Variants in TP53BP1 observed in about 807,000 individuals in gnomAD.
TP53BP1 encodes TP53-binding protein 1.
In TP53BP1, 61 loss-of-function variants were observed where a neutral mutation model predicts 200.8. That is an observed-to-expected ratio of 0.30 (90% CI 0.25 to 0.38). The LOEUF is 0.38. Among genes scored for constraint, TP53BP1 ranks in the 10% least tolerant of loss-of-function variants. TP53BP1 has a pLI of 1.00. For missense variants in TP53BP1, 2,144 were observed against 2,371.9 expected (o/e 0.90, Z 2.00); for synonymous variants, 822 against 844.3 (o/e 0.97, Z 0.46).
chr15:43,509,187 A>C (rs1228468634), intron 1 of TP53BP1, among the ~76,000 whole-genome samples: 1 of 896 alleles, frequency 1.1e-3, no homozygotes, highest in Non-Finnish European at 1.9e-3. Flanking sequence ...AGATCCACAA[A>C]CGGGGGGGGG....
chr15:43,403,497 A>AT lies in TP53BP1; in HGVS notation c.*3885dup. ...TACTCGCTTAGCCAGGAAAGGATGC[A>AT]TTTGTTTTACGCATTTTGTGCGTCT... On this transcript the variant is annotated 3_prime_UTR_variant, in exon 28 of 28. Transcript: ENST00000382044. 1 of 557,134 alleles carries AT rather than the reference A, an allele frequency of 1.8e-6. No individual in the cohort carries two copies. The highest frequency in any genetic ancestry group is 3.2e-6 in the Non-Finnish European group (1 of 310,324). The allele number at this position is 557,134 out of a possible 1,614,324, so 34.5% of individuals were successfully genotyped here.
upstream of TP53BP1, among the ~76,000 whole-genome samples, chr15:43,495,295 C>A (rs993659985): frequency 1.3e-5 from 2 of 151,064 alleles, no homozygotes; most frequent in African/African-American, 2.4e-5. Context: ...GTCAGGAGAT[C>A]GAGACCATCC....
intron 12 of TP53BP1, among the ~76,000 whole-genome samples, chr15:43,454,603 T>C (rs1018165351): frequency 6.6e-6 from 1 of 152,196 alleles, no homozygotes; most frequent in Admixed American, 6.5e-5. Context: ...CCTCAGGCGA[T>C]CTGCTGGCCT....
chr15:43,406,847 C>G lies in TP53BP1; in HGVS notation c.*536G>C. On this transcript the variant is annotated 3_prime_UTR_variant, in exon 28 of 28. Transcript: ENST00000382044. ...TCATGGCAGTTGGTCCTTTCGTTCT[C>G]CCTTTAGCTCTAAGAGTTGGGGAGT... 1 of 318,310 alleles carries G rather than the reference C, an allele frequency of 3.1e-6. No homozygotes were observed. The highest frequency in any genetic ancestry group is 6.1e-6 in the Non-Finnish European group (1 of 162,880). The allele number at this position is 318,310 out of a possible 1,614,324, so 19.7% of individuals were successfully genotyped here.
chr15:43,438,203 T>G, intron 16 of TP53BP1, 121 bp downstream of exon 16: 1 of 751,824 alleles, frequency 1.3e-6, no homozygotes, highest in East Asian at 2.7e-5. Flanking sequence ...ACTGTTGCAC[T>G]GGGGGTTAAG....
chr15:43,492,576 C>A, intron 1 of TP53BP1, 108 bp from the exon 2 acceptor site: 2 of 789,684 alleles, frequency 2.5e-6, no homozygotes. Context: ...AACGGGACCA[C>A]TTCAGGACTC....
chr15:43,446,044 C>A (rs953751589), intron 14 of TP53BP1, among the ~76,000 whole-genome samples: 4 of 152,280 alleles, frequency 2.6e-5, no homozygotes, highest in African/African-American at 9.6e-5. Flanking sequence ...TATTCTAGCC[C>A]TACCAAACAA....
chr15:43,404,834 C>T lies in TP53BP1; in HGVS notation c.*2549G>A, dbSNP rs2044806493. ...TGGGAGGCAGTGGGCCTTCCACTCCCAATTCTGATATGAACTAGCTGTGCA... is the reference window on the plus strand; with the variant it reads ...TGGGAGGCAGTGGGCCTTCCACTCCTAATTCTGATATGAACTAGCTGTGCA... On this transcript the variant is annotated 3_prime_UTR_variant, in exon 28 of 28. Coordinates refer to ENST00000382044, the MANE Select transcript of TP53BP1 (RefSeq NM_001141980.3). The T allele has an allele frequency of 2.1e-6, 1 of 478,392 alleles. No individual in the cohort carries two copies. 29.6% of individuals were successfully genotyped at this position (478,392 alleles called of 1,614,324 possible). A position where few individuals can be genotyped will look rare whatever the true frequency, so the allele number is the denominator to read the frequency against.
chr15:43,445,194 T>C (rs992271782), intron 14 of TP53BP1, among the ~76,000 whole-genome samples: 4 of 152,204 alleles, frequency 2.6e-5, no homozygotes, highest in African/African-American at 7.2e-5. Context: ...TTCCTCATCC[T>C]TCCTCAATTA....
chr15:43,485,360 G>A (rs868322200), intron 4 of TP53BP1, among the ~76,000 whole-genome samples: 24 of 151,380 alleles, frequency 1.6e-4, no homozygotes, highest in Non-Finnish European at 2.8e-4. Flanking sequence ...GGCGGATCAC[G>A]AGGTCAGGAG....
At chr15:43,489,874 T>A (rs1221241857) in intron 4 of TP53BP1, among the ~76,000 whole-genome samples, 1 of 151,990 alleles carries the variant, frequency 6.6e-6, no homozygotes, top group African/African-American at 2.4e-5. Context: ...AAAAAAAAAA[T>A]TACGTACAGA....
At chr15:43,448,865 G>C (rs186704440) in intron 12 of TP53BP1, among the ~76,000 whole-genome samples, 1 of 152,206 alleles carries the variant, frequency 6.6e-6, no homozygotes, top group African/African-American at 2.4e-5. Context: ...CATGGCTCAT[G>C]CCTGTAATCC....
At chr15:43,500,149 T>C (rs187555927) in intron 1 of TP53BP1, among the ~76,000 whole-genome samples, 1 of 152,334 alleles carries the variant, frequency 6.6e-6, no homozygotes, top group Admixed American at 6.5e-5. Flanking sequence ...CTATTCAATA[T>C]CTTCATTTTG....
In TP53BP1 at chr15:43,406,373, C is replaced by G; in HGVS notation, c.*1010G>C. ...ACTGGGAAGCTCTGACAACTTATTCCCTGCTATTATCAACTAAAGATCACC... is the reference window on the plus strand; with the variant it reads ...ACTGGGAAGCTCTGACAACTTATTCGCTGCTATTATCAACTAAAGATCACC... On this transcript the variant is annotated 3_prime_UTR_variant, in exon 28 of 28. Coordinates refer to ENST00000382044, the MANE Select transcript of TP53BP1 (RefSeq NM_001141980.3). The G allele has an allele frequency of 3.2e-6, 1 of 313,802 alleles. No homozygotes were observed. Among genetic ancestry groups the G allele is most frequent in the Middle Eastern group, 1.1e-3 (1 of 880 alleles). 19.4% of individuals were successfully genotyped at this position (313,802 alleles called of 1,614,324 possible).
rs746469568 is a variant in TP53BP1, at chr15:43,456,564, C to T, written c.2044G>A (p.Glu682Lys). The change falls in exon 12 of 28, where the codon GAG becomes AAG. Residue 682 changes from glutamate (E) to lysine (K), a missense_variant. Around this residue, in one of 4 missense-constraint regions of TP53BP1, gnomAD observed 1,700 missense variants for 1,710.3 expected, o/e 0.99. Coordinates refer to ENST00000382044, the MANE Select transcript of TP53BP1 (RefSeq NM_001141980.3). The part of the protein sequence containing the change: ...IPETPCESQG[E>K]ELKEENMESV... Reference sequence around the variant, plus strand: ...TCCATATTTTCTTCTTTGAGTTCCTCTCCTTGACTTTCACAAGGTGTCTCA... The same window carrying T: ...TCCATATTTTCTTCTTTGAGTTCCTTTCCTTGACTTTCACAAGGTGTCTCA... 3.1e-6 allele frequency: 5 copies of T among 1,613,634 alleles called. No individual in the cohort carries two copies. The South Asian group carries it at 3.3e-5, about 11-fold the overall frequency.
At position 43,406,131 on chromosome 15, in the gene TP53BP1, C is replaced by T. The variant is rs1220456509; in HGVS notation, c.*1252G>A. 6.7e-6 allele frequency: 1 copy of T among 148,628 alleles called. No homozygotes were observed. The highest frequency in any genetic ancestry group is 2.5e-5 in the African/African-American group (1 of 40,718). The allele number at this position is 148,628 out of a possible 1,614,324, so 9.2% of individuals were successfully genotyped here. On this transcript the variant is annotated 3_prime_UTR_variant, in exon 28 of 28. Coordinates refer to ENST00000382044, the MANE Select transcript of TP53BP1 (RefSeq NM_001141980.3). ...GATCAAGTTGTTAGATTTTTAAATA[C>T]TGAAGATTGCAGGCCCAATTACCCA...
Position 43,492,420 on chromosome 15 carries a change from T to G in TP53BP1, c.56A>C (p.Gln19Pro). ...AATTATCAGGCAAGGAGTATCTTGC[T>G]GAGAGAAATCTGAATCCAACTGACT... ...TGSQLDSDFS[Q>P]QDTPCLIIED... The change falls in exon 2 of 28, where the codon CAG (glutamine) becomes CCG (proline). Residue 19 changes from glutamine (Q) to proline (P), a missense_variant. By Grantham distance (76) the Gln-to-Pro change is moderately conservative. Around this residue, in one of 4 missense-constraint regions of TP53BP1, gnomAD observed 1,700 missense variants for 1,710.3 expected, o/e 0.99. Transcript: ENST00000382044. 6.2e-7 allele frequency: 1 copy of G among 1,614,114 alleles called. No individual in the cohort carries two copies. The highest frequency in any genetic ancestry group is 1.7e-5 in the Admixed American group (1 of 60,012).
chr15:43,488,290 C>T (rs1428762169), intron 4 of TP53BP1, among the ~76,000 whole-genome samples: 15 of 150,578 alleles, frequency 1.0e-4, no homozygotes, highest in Non-Finnish European at 2.1e-4. Flanking sequence ...AGAGTGAGGC[C>T]CTGTCTCAAA....
chr15:43,409,725 A>G lies in TP53BP1; in HGVS notation c.5322T>C (p.Pro1774=). 3 of 1,538,970 alleles carry G rather than the reference A, an allele frequency of 1.9e-6. No individual in the cohort carries two copies. ...ATTCTGTATACTGCTTGTTGAAAGG[A>G]GGAATTTCCAAAAATTCTATATTAA... ...SEEEEEFLEI[P]PFNKQYTESQ... Residue 1774 remains proline (P), a synonymous_variant, in exon 25 of 28, where the codon CCT becomes CCC. Transcript: ENST00000382044.
Sources: gnomAD v4.1 joint callset for allele counts (sites outside exome capture counted in the v4.1 genomes callset) on GRCh38, gnomAD v4.1.1 for gene constraint, gnomAD v4.1.1 regional missense constraint, MANE v1.5 for transcripts, NCBI Gene and HGNC (gene_info 2026-07-23, HGNC 2026-07-21) for gene names.